MAP9: variants seen among roughly 807,000 people sequenced by gnomAD.
MAP9 encodes microtubule associated protein 9.
MAP9 carries 80 observed loss-of-function variants against 75.2 expected under a neutral mutation model. The observed-to-expected ratio is 1.06, with a 90% CI of 0.89 to 1.28. MAP9 has a LOEUF of 1.28. Ranked by LOEUF, MAP9 falls within the 50% of genes most tolerant of loss-of-function variation. MAP9 has a pLI of 0.00. For missense variants in MAP9, 753 were observed against 719.9 expected, an observed-to-expected ratio of 1.05 and a Z score of -0.53; for synonymous variants, 235 against 237.3, an observed-to-expected ratio of 0.99 and a Z score of 0.09.
chr4:155,353,202 C>T lies in MAP9; in HGVS notation c.1519G>A (p.Ala507Thr). Reference protein sequence around the residue: ...NKKKTEEENAARKGEALQAFE... With the variant: ...NKKKTEEENATRKGEALQAFE... ...ACTTGTAGTGCTTCTCCTTTTCTTG[C>T]AGCATTTTCTTCTTCAGTTTTCTTC... Residue 507 changes from alanine to threonine, a missense_variant, in exon 11 of 14, where the codon GCA (alanine) becomes ACA (threonine). Transcript: ENST00000311277. 6.3e-7 allele frequency: 1 copy of T among 1,595,246 alleles called. No individual in the cohort carries two copies. Among genetic ancestry groups the T allele is most frequent in the Non-Finnish European group, 8.5e-7 (1 of 1,173,296 alleles).
chr4:155,364,894 C>A (rs985279761), intron 5 of MAP9, among the ~76,000 whole-genome samples: 1 of 150,870 alleles, frequency 6.6e-6, no homozygotes, highest in African/African-American at 2.4e-5. Flanking sequence ...GATAAAAGGT[C>A]AATAATAATA....
At chr4:155,368,400 T>C (rs1378191293) in intron 5 of MAP9, 186 bp downstream of exon 5, 1 of 624,172 alleles carries the variant, frequency 1.6e-6, no homozygotes, top group South Asian at 2.0e-5. Flanking sequence ...GTCTTACAAT[T>C]GATGCAGTTT....
chr4:155,362,651 T>C (rs1732143395), intron 5 of MAP9: 1 of 152,318 alleles, frequency 6.6e-6, no homozygotes, highest in Admixed American at 6.6e-5. Flanking sequence ...TGCATGCACT[T>C]GAGTTTTCCT....
chr4:155,360,644 A>G lies in MAP9; in HGVS notation c.803-229T>C, dbSNP rs570461052. Reference sequence around the variant, plus strand: ...AGCACTTAACAAATCTAGTACTTAGAAAAATAGCATATTAATAAACAGAAT... The same window carrying G: ...AGCACTTAACAAATCTAGTACTTAGGAAAATAGCATATTAATAAACAGAAT... On this transcript the variant is annotated intron_variant, in intron 6 of 13. Coordinates refer to ENST00000311277, the MANE Select transcript of MAP9 (RefSeq NM_001039580.2). 4.6e-5 allele frequency among the ~76,000 whole-genome samples: 7 copies of G among 152,188 alleles called. No homozygotes were observed. The South Asian group carries it at 1.4e-3, about 32-fold the overall frequency.
intron 5 of MAP9, among the ~76,000 whole-genome samples, chr4:155,366,131 T>C (rs1254583955): frequency 6.6e-6 from 1 of 151,954 alleles, no homozygotes; most frequent in Non-Finnish European, 1.5e-5. Context: ...GAGGCCGAGG[T>C]GGGTGGATCA....
In MAP9 at chr4:155,347,918, T is replaced by C; in HGVS notation, c.1822-13A>G. 6 of 1,411,302 alleles carry C rather than the reference T, an allele frequency of 4.3e-6. No homozygotes were observed. Among genetic ancestry groups the C allele is most frequent in the Non-Finnish European group, 5.9e-6 (6 of 1,020,116 alleles). The allele number at this position is 1,411,302 out of a possible 1,614,324, so 87.4% of individuals were successfully genotyped here. A position where few individuals can be genotyped will look rare whatever the true frequency, so the allele number is the denominator to read the frequency against. ...TTTCCTTATTTTCCTAAAGAGAAAA[T>C]AGAACACTATAAATTTATGTACATA... On this transcript the variant is annotated splice_polypyrimidine_tract_variant and intron_variant, in intron 13 of 13. Coordinates refer to ENST00000311277, the MANE Select transcript of MAP9 (RefSeq NM_001039580.2).
At chr4:155,368,015 G>A (rs1172916713) in intron 5 of MAP9, among the ~76,000 whole-genome samples, 3 of 152,142 alleles carry the variant, frequency 2.0e-5, no homozygotes, top group African/African-American at 7.2e-5. Flanking sequence ...AGAGAAAAAC[G>A]AAGTGTTCTC....
chr4:155,361,969 A>G, intron 6 of MAP9, 79 bp downstream of exon 6: 1 of 837,716 alleles, frequency 1.2e-6, no homozygotes, highest in Non-Finnish European at 1.9e-6. Context: ...ATAACTATAC[A>G]AAGTATTATT....
At chr4:155,364,448 G>T (rs1469725087) in intron 5 of MAP9, among the ~76,000 whole-genome samples, 2 of 147,878 alleles carry the variant, frequency 1.4e-5, no homozygotes, top group Admixed American at 6.8e-5. Flanking sequence ...TCTATAAATA[G>T]ATTATATAGA....
At position 155,347,869 on chromosome 4, in the gene MAP9, GT is replaced by G. The variant is rs1384759334; in HGVS notation, c.1857del (p.Lys619AsnfsTer57). 6.3e-7 allele frequency: 1 copy of G among 1,579,282 alleles called. No homozygotes were observed. The highest frequency in any genetic ancestry group is 8.7e-7 in the Non-Finnish European group (1 of 1,153,380). On this transcript the variant is annotated frameshift_variant, in exon 14 of 14. Transcript: ENST00000311277. LOFTEE classifies it high-confidence loss of function. ...NKEKQERIER[K>X]QKKRHSFLES... Reference sequence around the variant, plus strand: ...TCAAGAAAGGAATGACGTTTCTTCTGTTTTCGTTCAATTCTTTCTTGTTTTT... The same window carrying G: ...TCAAGAAAGGAATGACGTTTCTTCTGTTTCGTTCAATTCTTTCTTGTTTTT...
At chr4:155,359,932 T>C (rs1731991839) in intron 7 of MAP9, among the ~76,000 whole-genome samples, 1 of 152,074 alleles carries the variant, frequency 6.6e-6, no homozygotes, top group South Asian at 2.1e-4. Flanking sequence ...AAGTATATTA[T>C]GATCACACAC....
chr4:155,364,623 A>AT (rs2111252498), intron 5 of MAP9, among the ~76,000 whole-genome samples: 1 of 149,564 alleles, frequency 6.7e-6, no homozygotes, highest in East Asian at 1.9e-4. Flanking sequence ...GCCTTCTTTA[A>AT]TTTTTTAAAA....
chr4:155,369,060 C>T (rs1045040136), intron 4 of MAP9, among the ~76,000 whole-genome samples: 9 of 152,138 alleles, frequency 5.9e-5, no homozygotes, highest in South Asian at 2.1e-4. Flanking sequence ...CGGTGACTCA[C>T]GCCTGTAATC....
At chr4:155,374,521 T>C (rs1395128308) in intron 3 of MAP9, among the ~76,000 whole-genome samples, 1 of 152,130 alleles carries the variant, frequency 6.6e-6, no homozygotes, top group Non-Finnish European at 1.5e-5. Flanking sequence ...AAAATCTGAT[T>C]TATAGCAAGC....
In MAP9 at chr4:155,343,930, G is replaced by A. The variant is rs1159628572; in HGVS notation, c.*3853C>T. 6.6e-6 allele frequency: 1 copy of A among 151,844 alleles called. No homozygotes were observed. The highest frequency in any genetic ancestry group is 1.5e-5 in the Non-Finnish European group (1 of 67,800). The allele number at this position is 151,844 out of a possible 1,614,324, so 9.4% of individuals were successfully genotyped here. On this transcript the variant is annotated 3_prime_UTR_variant, in exon 14 of 14. Coordinates refer to ENST00000311277, the MANE Select transcript of MAP9 (RefSeq NM_001039580.2). ...TATTATCCTATTAGCCAGTGTAAATGCAAACTAGGAAAGTTGATATCTTTC... is the reference window on the plus strand; with the variant it reads ...TATTATCCTATTAGCCAGTGTAAATACAAACTAGGAAAGTTGATATCTTTC...
At position 155,375,909 on chromosome 4, in the gene MAP9, T is replaced by TA; in HGVS notation, c.-60dup. The TA allele has an allele frequency of 9.0e-7, 1 of 1,107,626 alleles. No individual in the cohort carries two copies. Among genetic ancestry groups the TA allele is most frequent in the Non-Finnish European group, 1.4e-6 (1 of 736,506 alleles). 68.6% of individuals were successfully genotyped at this position (1,107,626 alleles called of 1,614,324 possible). On this transcript the variant is annotated 5_prime_UTR_variant, in exon 2 of 14. Transcript: ENST00000311277. Reference sequence around the variant, plus strand: ...CTAATTATTAGAATTCAACTTCTGATAGTAGCTGAAATATACAAAACAAAT... The same window carrying TA: ...CTAATTATTAGAATTCAACTTCTGATAAGTAGCTGAAATATACAAAACAAAT...
In MAP9 at chr4:155,360,287, C is replaced by T; in HGVS notation, c.931G>A (p.Asp311Asn). 1 of 1,613,216 alleles carries T rather than the reference C, an allele frequency of 6.2e-7. No homozygotes were observed. Among genetic ancestry groups the T allele is most frequent in the Non-Finnish European group, 8.5e-7 (1 of 1,179,424 alleles). Residue 311 changes from aspartate (D) to asparagine (N), a missense_variant, in exon 7 of 14, where the codon GAC becomes AAC. Physicochemically the swap from Asp to Asn is conservative, Grantham distance 23. Coordinates refer to ENST00000311277, the MANE Select transcript of MAP9 (RefSeq NM_001039580.2). The part of the protein sequence containing the change: ...KSKESQVTAD[D>N]LEEEKAKAEL... Reference sequence around the variant, plus strand: ...GCTTTTGCCTTTTCTTCTTCAAGGTCATCAGCAGTCACTTGACTTTCCTTG... The same window carrying T: ...GCTTTTGCCTTTTCTTCTTCAAGGTTATCAGCAGTCACTTGACTTTCCTTG...
At chr4:155,364,934 CA>C (rs918475906) in intron 5 of MAP9, among the ~76,000 whole-genome samples, 21 of 151,340 alleles carry the variant, frequency 1.4e-4, no homozygotes, top group Non-Finnish European at 2.7e-4. Context: ...ATTATCTCCT[CA>C]AAAAAAGGCA....
At chr4:155,350,707 C>T (rs1467578672) in intron 13 of MAP9, among the ~76,000 whole-genome samples, 1 of 151,934 alleles carries the variant, frequency 6.6e-6, no homozygotes, top group Non-Finnish European at 1.5e-5. Flanking sequence ...TACTATTTCT[C>T]TGCATCGAAT....
Sources: allele counts gnomAD v4.1 joint callset (sites outside exome capture counted in the v4.1 genomes callset), GRCh38; gene constraint gnomAD v4.1.1; transcripts MANE v1.5; gene names NCBI Gene and HGNC (gene_info 2026-07-23, HGNC 2026-07-21).